The following CREBRF variants were observed in gnomAD, a reference collection of about 807,000 sequenced individuals.
CREBRF encodes CREB3 regulatory factor, also known as UPF0474 protein C5orf41.
Under a neutral mutation model 66.1 loss-of-function variants are expected in CREBRF, and 5 were observed. That is an observed-to-expected ratio of 0.08 (90% CI 0.04 to 0.16). The LOEUF (loss-of-function observed/expected upper bound fraction) is 0.16, where lower values mean the gene tolerates loss of function less well. Among genes scored for constraint, CREBRF ranks in the 10% least tolerant of loss-of-function variants. The pLI is 1.00. For missense variants in CREBRF, 531 were observed against 744.9 expected (o/e 0.71, Z 3.34); for synonymous variants, 229 against 264.4 (o/e 0.87, Z 1.30).
At chr5:173,108,180 A>G in intron 4 of CREBRF, among the ~76,000 whole-genome samples, 1 of 152,206 alleles carries the variant, frequency 6.6e-6, no homozygotes, top group South Asian at 2.1e-4. Context: ...ATTTAAAAAA[A>G]AAGAAGTATA....
In CREBRF at chr5:173,123,205, A is replaced by G. The variant is rs373402301; in HGVS notation, c.1804+3A>G. 18 of 1,596,494 alleles carry G rather than the reference A, an allele frequency of 1.1e-5. No homozygotes were observed. Among genetic ancestry groups the G allele is most frequent in the Non-Finnish European group, 1.3e-5 (15 of 1,175,546 alleles). On this transcript the variant is annotated splice_donor_region_variant and intron_variant, in intron 8 of 8. Transcript: ENST00000296953. ...AATCCTCATTAAAGATACTCTCGGT[A>G]AGAAGAATGCGAGATAAATTCATAA...
chr5:173,079,760 T>C (rs1183349115), intron 1 of CREBRF, among the ~76,000 whole-genome samples: 1 of 152,210 alleles, frequency 6.6e-6, no homozygotes, highest in Non-Finnish European at 1.5e-5. Flanking sequence ...GATGTAGTAC[T>C]GCTGATCCTT....
At chr5:173,133,570 C>G in intron 8 of CREBRF, 60 bp from the exon 9 acceptor site, 2 of 921,648 alleles carry the variant, frequency 2.2e-6, no homozygotes, top group Non-Finnish European at 3.5e-6. Context: ...CCAGCTCCTT[C>G]CCTTCCCTTC....
Position 173,102,511 on chromosome 5 carries a change from G to T in CREBRF, c.1223-6113G>T, listed in dbSNP as rs571711830. Among the ~76,000 whole-genome samples the T allele has an allele frequency of 2.6e-5, 4 of 152,250 alleles. No homozygotes were observed. The East Asian group carries it at 5.8e-4, about 22-fold the overall frequency. On this transcript the variant is annotated intron_variant, in intron 4 of 8. Coordinates refer to ENST00000296953, the MANE Select transcript of CREBRF (RefSeq NM_153607.3). ...CCAGGTGGGTCTGAGGCTTGGGTCT[G>T]TAGAGGTCATCCTGGTGCCTGGTAC...
At chr5:173,125,618 A>C (rs1358394616) in intron 8 of CREBRF, among the ~76,000 whole-genome samples, 1 of 152,142 alleles carries the variant, frequency 6.6e-6, no homozygotes, top group East Asian at 1.9e-4. Flanking sequence ...TAATCCCAGC[A>C]CTTTGGGAGG....
Position 173,133,682 on chromosome 5 carries a change from G to A in CREBRF, c.1857G>A (p.Lys619=). The A allele has an allele frequency of 6.2e-7, 1 of 1,612,896 alleles. No individual in the cohort carries two copies. Among genetic ancestry groups the A allele is most frequent in the Non-Finnish European group, 8.5e-7 (1 of 1,179,426 alleles). ...TSEFVNQVLE[K]TAEGNPTGGL... ...AATTTGTTAACCAAGTGTTAGAGAA[G>A]ACTGCAGAAGGGAATCCCACTGGAG... Residue 619 remains lysine, a synonymous_variant, in exon 9 of 9, where the codon AAG becomes AAA. Transcript: ENST00000296953.
chr5:173,058,905 C>T (rs1262484977), intron 1 of CREBRF, among the ~76,000 whole-genome samples: 1 of 150,242 alleles, frequency 6.7e-6, no homozygotes, highest in African/African-American at 2.4e-5. Context: ...TAGCAATTCT[C>T]CTGCCTCAGC....
At position 173,090,048 on chromosome 5, in the gene CREBRF, T is replaced by C. The variant is rs1758281743; in HGVS notation, c.136-267T>C. 6.6e-6 allele frequency among the ~76,000 whole-genome samples: 1 copy of C among 152,164 alleles called. No homozygotes were observed. The highest frequency in any genetic ancestry group is 6.5e-5 in the Admixed American group (1 of 15,272). On this transcript the variant is annotated intron_variant, in intron 3 of 8. Coordinates refer to ENST00000296953, the MANE Select transcript of CREBRF (RefSeq NM_153607.3). The surrounding 1 kb of genome is among the most constrained non-coding windows in gnomAD (Gnocchi z 4.5). ...ATGGTAAACTCAAGAGCCCTTGATA[T>C]TTGGATCATACCTGAGCCTCTCAAG...
At chr5:173,104,019 T>C (rs1758690957) in intron 4 of CREBRF, among the ~76,000 whole-genome samples, 1 of 152,206 alleles carries the variant, frequency 6.6e-6, no homozygotes, top group South Asian at 2.1e-4. Flanking sequence ...ATGAATTTGT[T>C]TTAAAAAATT....
At chr5:173,123,473 C>G (rs1202417408) in intron 8 of CREBRF, 4 of 316,802 alleles carry the variant, frequency 1.3e-5, no homozygotes, top group Non-Finnish European at 2.3e-5. Flanking sequence ...TCATGGAGGA[C>G]AAAAGGTCCC....
chr5:173,096,741 A>G (rs537723229), intron 4 of CREBRF, among the ~76,000 whole-genome samples: 3 of 151,736 alleles, frequency 2.0e-5, no homozygotes, highest in Admixed American at 6.6e-5. Context: ...CGTTCCTTTT[A>G]TATGTAATTT....
chr5:173,133,991 T>C lies in CREBRF; in HGVS notation c.*246T>C, dbSNP rs1394600789. The stretch of plus-strand genomic sequence containing the variant: ...ATTGAAAATCATATGTTTAAGTAAA[T>C]GTTAGGTACAGATTACAAAAATCTG... On this transcript the variant is annotated 3_prime_UTR_variant, in exon 9 of 9. Transcript: ENST00000296953. 7.5e-6 allele frequency: 2 copies of C among 267,160 alleles called. No individual in the cohort carries two copies. Among genetic ancestry groups the C allele is most frequent in the Non-Finnish European group, 1.4e-5 (2 of 141,312 alleles). 16.5% of individuals were successfully genotyped at this position (267,160 alleles called of 1,614,324 possible).
intron 4 of CREBRF, among the ~76,000 whole-genome samples, chr5:173,096,810 C>T (rs751054808): frequency 2.0e-4 from 31 of 151,946 alleles, no homozygotes; most frequent in Admixed American, 9.2e-4. Flanking sequence ...TCTTTCAGAT[C>T]TTGAAGCATG....
chr5:173,068,031 T>A (rs1757487111), intron 1 of CREBRF: 2 of 344,524 alleles, frequency 5.8e-6, no homozygotes, highest in Admixed American at 8.3e-5. Flanking sequence ...AATTTTGTCT[T>A]CTGTTTTAAA....
At chr5:173,070,810 G>T (rs936906150) in intron 1 of CREBRF, among the ~76,000 whole-genome samples, 1 of 152,076 alleles carries the variant, frequency 6.6e-6, no homozygotes, top group African/African-American at 2.4e-5. Flanking sequence ...TTGAATAATT[G>T]ACTTTTTTGT....
intron 7 of CREBRF, among the ~76,000 whole-genome samples, chr5:173,113,375 C>T (rs1381728254): frequency 6.6e-6 from 1 of 151,742 alleles, no homozygotes; most frequent in Non-Finnish European, 1.5e-5. Flanking sequence ...GTGGCACGAT[C>T]TCGGCTCACT....
chr5:173,098,600 T>C (rs1758536813), intron 4 of CREBRF, among the ~76,000 whole-genome samples: 1 of 152,236 alleles, frequency 6.6e-6, no homozygotes, highest in Non-Finnish European at 1.5e-5. Context: ...GTTCTATATA[T>C]GTCTGTTAGG....
intron 1 of CREBRF, among the ~76,000 whole-genome samples, chr5:173,059,418 C>T (rs1220756612): frequency 6.6e-6 from 1 of 151,738 alleles, no homozygotes; most frequent in Non-Finnish European, 1.5e-5. Context: ...GCGCCCACCA[C>T]CACGCCCGGC....
chr5:173,120,817 C>T (rs1277207161), intron 7 of CREBRF, among the ~76,000 whole-genome samples: 1 of 149,916 alleles, frequency 6.7e-6, no homozygotes, highest in Non-Finnish European at 1.5e-5. Context: ...CCTCAGCCTC[C>T]TGAGTAGCTG....
Sources: gnomAD v4.1 joint callset for allele counts (sites outside exome capture counted in the v4.1 genomes callset) on GRCh38, gnomAD v4.1.1 for gene constraint, Gnocchi (gnomAD v3.1) non-coding constraint, MANE v1.5 for transcripts, NCBI Gene and HGNC (gene_info 2026-07-23, HGNC 2026-07-21) for gene names.